Variants in F9 observed in about 807,000 individuals in gnomAD.
The protein encoded by F9 is coagulation factor IX.
A neutral mutation model predicts 34.1 loss-of-function variants in F9; 2 were observed. The observed-to-expected ratio is 0.06, with a 90% CI of 0.02 to 0.18. The LOEUF is 0.18. F9 is among the 10% of genes least tolerant of loss of function. The pLI is 1.00. For synonymous variants in F9, 137 were observed against 118.8 expected, an observed-to-expected ratio of 1.15 and a Z score of -1.00; for missense variants, 216 against 345.1, an observed-to-expected ratio of 0.63 and a Z score of 2.96.
Position 139,551,121 on chromosome X carries a change from A to G in F9, c.580A>G (p.Thr194Ala), listed in dbSNP as rs6048. 0.27 allele frequency: 324,101 copies of G among 1,208,948 alleles called. 31,752 individuals are homozygous for G. Among genetic ancestry groups the G allele is most frequent in the Non-Finnish European group, 0.3 (270,320 of 894,493 alleles). The change falls in exon 6 of 8, where the codon ACT becomes GCT. Residue 194 changes from threonine to alanine, a missense_variant. By Grantham distance (58) the Thr-to-Ala change is moderately conservative. Around this residue, in one of 2 missense-constraint regions of F9, gnomAD observed 177 missense variants for 311.8 expected, o/e 0.57. Transcript: ENST00000218099. ...SQTSKLTRAE[T>A]VFPDVDYVNS... ...AACTTCTAAGCTCACCCGTGCTGAG[A>G]CTGTTTTTCCTGATGTGGACTATGT...
rs1211825041 is a variant in F9, at chrX:139,562,331, T to C, written c.*260T>C. 2.8e-6 allele frequency: 1 copy of C among 354,836 alleles called. No homozygotes were observed. Among genetic ancestry groups the C allele is most frequent in the Admixed American group, 4.6e-5 (1 of 21,664 alleles). 29.2% of individuals were successfully genotyped at this position (354,836 alleles called of 1,213,427 possible). On this transcript the variant is annotated 3_prime_UTR_variant, in exon 8 of 8. Coordinates refer to ENST00000218099, the MANE Select transcript of F9 (RefSeq NM_000133.4). ...TTGACAAAATTGTGAAGTTAAATTC[T>C]CCACTCTGTCCATCAGATACTATGG...
chrX:139,535,017 T>A (rs1016857552), intron 1 of F9, among the ~76,000 whole-genome samples: 4 of 111,199 alleles, frequency 3.6e-5, no homozygotes, highest in African/African-American at 1.3e-4. Flanking sequence ...GGCACAGCAT[T>A]GCAAACGAGT....
chrX:139,563,152 G>A lies in F9; in HGVS notation c.*1081G>A, dbSNP rs184845301. On this transcript the variant is annotated 3_prime_UTR_variant, in exon 8 of 8. Transcript: ENST00000218099. ...GCAATCTACAGCTAGTAGAGACTTT[G>A]AGGAAGAATTCAACAGTGTGTCTTC... 2.7e-5 allele frequency: 3 copies of A among 110,105 alleles called. No individual in the cohort carries two copies. The East Asian group carries it at 8.6e-4, about 31-fold the overall frequency. The allele number at this position is 110,105 out of a possible 1,213,427, so 9.1% of individuals were successfully genotyped here. A position where few individuals can be genotyped will look rare whatever the true frequency, so the allele number is the denominator to read the frequency against.
At chrX:139,548,525 C>A (rs1927772028) in intron 5 of F9, 34 bp downstream of exon 5, 1 of 1,189,476 alleles carries the variant, frequency 8.4e-7, no homozygotes, top group Admixed American at 2.2e-5. Context: ...TAAAGAAAAT[C>A]TGTATCTGAA....
intron 6 of F9, among the ~76,000 whole-genome samples, chrX:139,554,472 T>C (rs2148364219): frequency 8.9e-6 from 1 of 112,788 alleles, no homozygotes; most frequent in Non-Finnish European, 1.9e-5. Context: ...CAGTTCCTTA[T>C]GAATGGTTAC....
Position 139,543,903 on chromosome X carries a change from G to T in F9, c.391+2714G>T, listed in dbSNP as rs1927658683. 4.5e-5 allele frequency among the ~76,000 whole-genome samples: 5 copies of T among 111,480 alleles called. No individual in the cohort carries two copies. In the South Asian group the frequency reaches 1.9e-3, roughly 43 times the overall value. ...TAACTGTTCCTTAGCCCTGCTCTAT[G>T]GAACTCTCCCCTGGAATTCCTTGTG... On this transcript the variant is annotated intron_variant, in intron 4 of 7. Coordinates refer to ENST00000218099, the MANE Select transcript of F9 (RefSeq NM_000133.4).
At chrX:139,551,666 G>A (rs1927846382) in intron 6 of F9, among the ~76,000 whole-genome samples, 1 of 110,791 alleles carries the variant, frequency 9.0e-6, no homozygotes, top group Non-Finnish European at 1.9e-5. Flanking sequence ...GTAAAGAAAG[G>A]GACTCAAGGA....
intron 6 of F9, among the ~76,000 whole-genome samples, chrX:139,551,780 T>C (rs1032572888): frequency 5.4e-5 from 6 of 111,320 alleles, no homozygotes; most frequent in Non-Finnish European, 7.5e-5. Context: ...CCTGGGAACG[T>C]AGAAATGCAA....
rs1047163231 is a variant in F9, at chrX:139,537,454, G to T, written c.277+68G>T. On this transcript the variant is annotated intron_variant, in intron 3 of 7. Coordinates refer to ENST00000218099, the MANE Select transcript of F9 (RefSeq NM_000133.4). ...TGAGAATTATGTGGGTTTTTTCTCT[G>T]CATAAATAGATAATATATTAAACTT... The T allele has an allele frequency of 4.5e-6, 4 of 892,180 alleles. No individual in the cohort carries two copies. The African/African-American group carries it at 7.9e-5, about 18-fold the overall frequency. 73.5% of individuals were successfully genotyped at this position (892,180 alleles called of 1,213,427 possible).
rs1233860006 is a variant in F9, at chrX:139,555,240, G to A, written c.723+3976G>A. Among the ~76,000 whole-genome samples the A allele has an allele frequency of 3.6e-5, 4 of 112,511 alleles. No homozygotes were observed. The East Asian group carries it at 8.4e-4, about 24-fold the overall frequency. On this transcript the variant is annotated intron_variant, in intron 6 of 7. Transcript: ENST00000218099. ...GGCTAGATAGCCCCATTCAGGGAGA[G>A]GGCATTTGTTCACCTGGCCAGAGAT...
chrX:139,534,830 C>T (rs1161410100), intron 1 of F9, among the ~76,000 whole-genome samples: 1 of 111,159 alleles, frequency 9.0e-6, no homozygotes, highest in Non-Finnish European at 1.9e-5. Flanking sequence ...TAGGAGTGTC[C>T]AGGGCCAAGT....
chrX:139,537,531 G>A (rs1927513072), intron 3 of F9, 145 bp downstream of exon 3: 1 of 489,339 alleles, frequency 2.0e-6, no homozygotes, highest in African/African-American at 2.4e-5. Context: ...ATATTGAATG[G>A]TGATATACTA....
At chrX:139,539,340 C>A (rs1483297002) in intron 3 of F9, among the ~76,000 whole-genome samples, 1 of 112,274 alleles carries the variant, frequency 8.9e-6, no homozygotes, top group Non-Finnish European at 1.9e-5. Context: ...AAGCCAAATT[C>A]TCTGCTGCTC....
chrX:139,561,408 T>A, intron 7 of F9, 116 bp from the exon 8 acceptor site: 1 of 664,970 alleles, frequency 1.5e-6, no homozygotes, highest in Non-Finnish European at 2.3e-6. Flanking sequence ...ATTATCACAA[T>A]ATAAGAATGA....
At chrX:139,559,613 G>A (rs1375722482) in intron 6 of F9, among the ~76,000 whole-genome samples, 5 of 111,515 alleles carry the variant, frequency 4.5e-5, no homozygotes, top group Middle Eastern at 4.7e-3. Flanking sequence ...TCTCCAGGTA[G>A]GAGGCTAGTG....
At chrX:139,547,680 A>G in intron 4 of F9, 1 of 112,193 alleles carries the variant, frequency 8.9e-6, no homozygotes, top group Non-Finnish European at 1.9e-5. Context: ...GAAACAAACC[A>G]AATATCCATT....
At chrX:139,550,829 T>C (rs886245532) in intron 5 of F9, among the ~76,000 whole-genome samples, 3 of 111,952 alleles carry the variant, frequency 2.7e-5, no homozygotes, top group Non-Finnish European at 5.6e-5. Flanking sequence ...TCCGTAAAGA[T>C]GATGAATTCC....
intron 3 of F9, among the ~76,000 whole-genome samples, chrX:139,538,915 G>A (rs1322228046): frequency 1.8e-5 from 2 of 110,686 alleles, no homozygotes; most frequent in African/African-American, 6.6e-5. Context: ...TGGAAAACAT[G>A]GAGGGTATTA....
At position 139,550,881 on chromosome X, in the gene F9, A is replaced by G. The variant is rs143580990; in HGVS notation, c.521-181A>G. On this transcript the variant is annotated intron_variant, in intron 5 of 7. Transcript: ENST00000218099. Reference sequence around the variant, plus strand: ...TTCATGAAGGATTTGAAAACTGTCCATGAAAATAACGCAATCAACCTTTTA... The same window carrying G: ...TTCATGAAGGATTTGAAAACTGTCCGTGAAAATAACGCAATCAACCTTTTA... Among the ~76,000 whole-genome samples, 13 of 112,121 alleles carry G rather than the reference A, an allele frequency of 1.2e-4. No individual in the cohort carries two copies. In the East Asian group the frequency reaches 3.6e-3, roughly 31 times the overall value.
Sources: gnomAD v4.1 joint callset for allele counts (sites outside exome capture counted in the v4.1 genomes callset) on GRCh38, gnomAD v4.1.1 for gene constraint, gnomAD v4.1.1 regional missense constraint, MANE v1.5 for transcripts, NCBI Gene and HGNC (gene_info 2026-07-23, HGNC 2026-07-21) for gene names.